The following FERMT1 variants were observed in gnomAD, a reference collection of about 807,000 sequenced individuals.
The protein encoded by FERMT1 is fermitin family homolog 1.
A neutral mutation model predicts 85.3 loss-of-function variants in FERMT1; 60 were observed. That is an observed-to-expected ratio of 0.70 (90% CI 0.57 to 0.87). FERMT1 has a LOEUF of 0.87. FERMT1 is among the 40% of genes least tolerant of loss of function. The pLI is 0.00. For synonymous variants in FERMT1, 275 were observed against 301.1 expected (o/e 0.91, Z 0.90); for missense variants, 701 against 818.9 (o/e 0.86, Z 1.76).
At chr20:6,091,033 G>A (rs374533345) in intron 9 of FERMT1, among the ~76,000 whole-genome samples, 454 of 151,468 alleles carry the variant, frequency 3.0e-3, no homozygotes, top group African/African-American at 9.0e-3. Flanking sequence ...CCGTGGTGGC[G>A]TGCACCTGTA....
intron 13 of FERMT1, among the ~76,000 whole-genome samples, chr20:6,082,691 T>C (rs761704806): frequency 2.0e-5 from 3 of 152,244 alleles, no homozygotes; most frequent in Non-Finnish European, 2.9e-5. Context: ...AGTCTCACTG[T>C]GTCGCCTAGG....
chr20:6,079,396 T>G, intron 14 of FERMT1, 40 bp downstream of exon 14: 2 of 1,609,966 alleles, frequency 1.2e-6, no homozygotes, highest in Non-Finnish European at 1.7e-6. Context: ...GGACACACAT[T>G]TATAGGCTCA....
intron 1 of FERMT1, among the ~76,000 whole-genome samples, chr20:6,120,168 T>TA (rs534141550): frequency 1.3e-4 from 19 of 151,738 alleles, no homozygotes; most frequent in Non-Finnish European, 2.1e-4. Context: ...GCTCAAAAAA[T>TA]AAAAAAAAGC....
chr20:6,100,841 A>G (rs957706321), intron 6 of FERMT1, among the ~76,000 whole-genome samples: 3 of 152,216 alleles, frequency 2.0e-5, no homozygotes, highest in Non-Finnish European at 4.4e-5. Flanking sequence ...TAGGATACAG[A>G]TTGAAAAAAT....
At chr20:6,088,694 T>G (rs1439414965) in intron 10 of FERMT1, among the ~76,000 whole-genome samples, 1 of 149,926 alleles carries the variant, frequency 6.7e-6, no homozygotes, top group Non-Finnish European at 1.5e-5. Context: ...AGTGGCATCA[T>G]CTCGGCTCAC....
At chr20:6,096,234 G>T (rs1333279721) in intron 8 of FERMT1, among the ~76,000 whole-genome samples, 5 of 152,176 alleles carry the variant, frequency 3.3e-5, no homozygotes, top group East Asian at 3.9e-4. Context: ...TATCGGTAAA[G>T]AATTTTCTTG....
chr20:6,102,001 G>A (rs1220734193), intron 6 of FERMT1, among the ~76,000 whole-genome samples: 1 of 152,076 alleles, frequency 6.6e-6, no homozygotes, highest in Non-Finnish European at 1.5e-5. Context: ...TAAAATATAT[G>A]TAACATAATA....
rs1024997394 is a variant in FERMT1, at chr20:6,076,310, C to G, written c.*863G>C. On this transcript the variant is annotated 3_prime_UTR_variant, in exon 15 of 15. Coordinates refer to ENST00000217289, the MANE Select transcript of FERMT1 (RefSeq NM_017671.5). ...GAATCCTTGACACTGGCAGGTGTTT[C>G]TATGAACAGAGAGGACTGTGCCTGT... is the stretch of plus-strand genomic sequence containing the variant. 2.5e-6 allele frequency: 1 copy of G among 399,010 alleles called. No homozygotes were observed. Among genetic ancestry groups the G allele is most frequent in the African/African-American group, 2.1e-5 (1 of 48,530 alleles). The allele number at this position is 399,010 out of a possible 1,614,324, so 24.7% of individuals were successfully genotyped here.
intron 2 of FERMT1, among the ~76,000 whole-genome samples, chr20:6,116,342 C>CTTT (rs1983099889): frequency 2.6e-5 from 4 of 151,660 alleles, no homozygotes; most frequent in Non-Finnish European, 1.5e-5. Context: ...ATGTTCTGCA[C>CTTT]ATGTATCCCA....
chr20:6,106,497 C>T (rs1982800099), intron 6 of FERMT1, among the ~76,000 whole-genome samples: 1 of 152,258 alleles, frequency 6.6e-6, no homozygotes, highest in African/African-American at 2.4e-5. Context: ...GCAACAGGCA[C>T]AAAACAGTGA....
intron 9 of FERMT1, among the ~76,000 whole-genome samples, chr20:6,093,380 C>T (rs1200893925): frequency 1.3e-5 from 2 of 152,088 alleles, no homozygotes; most frequent in South Asian, 2.1e-4. Flanking sequence ...TAAGTCACAC[C>T]GAAAGCCTGT....
chr20:6,119,798 AT>A (rs1294273398), intron 1 of FERMT1, among the ~76,000 whole-genome samples: 1 of 151,992 alleles, frequency 6.6e-6, no homozygotes, highest in Admixed American at 6.6e-5. Context: ...TACATACTTC[AT>A]TTTTCCATTC....
chr20:6,098,687 A>T (rs1427143843), intron 6 of FERMT1, among the ~76,000 whole-genome samples: 1 of 152,182 alleles, frequency 6.6e-6, no homozygotes, highest in Non-Finnish European at 1.5e-5. Flanking sequence ...AAATTGAAAC[A>T]AAAAATAACT....
At chr20:6,092,367 ACT>A (rs1422976666) in intron 9 of FERMT1, among the ~76,000 whole-genome samples, 1 of 151,810 alleles carries the variant, frequency 6.6e-6, no homozygotes, top group Non-Finnish European at 1.5e-5. Context: ...ACATGGTGAA[ACT>A]CTGTCTCTAC....
In FERMT1 at chr20:6,097,594, G is replaced by T. The variant is rs1350385739; in HGVS notation, c.887C>A (p.Ala296Asp). The T allele has an allele frequency of 2.5e-6, 4 of 1,613,910 alleles. No individual in the cohort carries two copies. Residue 296 changes from alanine (A) to aspartate (D), a missense_variant, in exon 7 of 15, where the codon GCC (alanine) becomes GAC (aspartate). Physicochemically the swap from Ala to Asp is moderately radical, Grantham distance 126 (BLOSUM62 -2). Transcript: ENST00000217289. ...TTCTTCTAAGAGAATGGCCCACCTG[G>T]CTTGCTCATAGAGTTGGTTTATTCG... is the stretch of plus-strand genomic sequence containing the variant. ...AVRINQLYEQ[A>D]RWAILLEEID...
chr20:6,097,534 G>A lies in FERMT1; in HGVS notation c.947C>T (p.Ala316Val). 1 of 1,611,154 alleles carries A rather than the reference G, an allele frequency of 6.2e-7. No individual in the cohort carries two copies. Among genetic ancestry groups the A allele is most frequent in the African/African-American group, 1.3e-5 (1 of 74,986 alleles). Residue 316 changes from alanine to valine, a missense_variant, in exon 7 of 15, where the codon GCA (alanine) becomes GTA (valine). Physicochemically the swap from Ala to Val is moderately conservative, Grantham distance 64. Coordinates refer to ENST00000217289, the MANE Select transcript of FERMT1 (RefSeq NM_017671.5). ...DCTEEEMLIF[A>V]ALQYHISKLS... ...CTGAAGTTCCCATACCTGTAGAGCT[G>A]CAAAGATCAACATTTCTTCCTCTGT...
intron 1 of FERMT1, among the ~76,000 whole-genome samples, chr20:6,121,441 A>ATGCATC (rs1354316929): frequency 2.0e-5 from 3 of 152,228 alleles, no homozygotes; most frequent in Non-Finnish European, 2.9e-5. Flanking sequence ...TTCTATAGTC[A>ATGCATC]GAAGCATGCA....
chr20:6,112,436 A>G, intron 4 of FERMT1, 41 bp downstream of exon 4: 1 of 1,599,038 alleles, frequency 6.3e-7, no homozygotes, highest in Non-Finnish European at 8.6e-7. Context: ...CTTGAGTTTT[A>G]CTGTACGTTC....
chr20:6,094,306 T>G (rs1196681253), intron 9 of FERMT1: 1 of 152,388 alleles, frequency 6.6e-6, no homozygotes, highest in Non-Finnish European at 1.5e-5. Flanking sequence ...ATTGCAGAGG[T>G]GGCAGTTCAT....
Sources: allele counts gnomAD v4.1 joint callset (sites outside exome capture counted in the v4.1 genomes callset), GRCh38; gene constraint gnomAD v4.1.1; transcripts MANE v1.5; gene names NCBI Gene and HGNC (gene_info 2026-07-23, HGNC 2026-07-21).